The following GDF1 variants were observed in gnomAD, a reference collection of about 807,000 sequenced individuals.
GDF1 encodes embryonic growth/differentiation factor 1.
In GDF1, 8 loss-of-function variants were observed where a neutral mutation model predicts 7.4. The observed-to-expected ratio is 1.09, with a 90% confidence interval of 0.64 to 1.96. GDF1 has a LOEUF of 1.96. GDF1 is among the 30% of genes most tolerant of loss of function. The pLI is 0.00. For synonymous variants in GDF1, 311 were observed against 276.7 expected, an observed-to-expected ratio of 1.12 and a Z score of -1.23; for missense variants, 574 against 551.5, an observed-to-expected ratio of 1.04 and a Z score of -0.41.
Position 18,869,301 on chromosome 19 carries a change from C to T in GDF1, c.415G>A (p.Ala139Thr). Residue 139 changes from alanine (A) to threonine (T), a missense_variant, in exon 8 of 8, where the codon GCT becomes ACT. By Grantham distance (58) the Ala-to-Thr change is moderately conservative. Transcript: ENST00000247005. ...VVFDLSAVEP[A>T]ERPSRARLEL... ...AGGCGGGCCCGGCTCGGGCGCTCAG[C>T]GGGTTCCACAGCCGACAGGTCGAAG... The T allele has an allele frequency of 1.3e-6, 2 of 1,515,766 alleles. 1 individual carries two copies. The highest frequency in any genetic ancestry group is 2.4e-5 in the South Asian group (2 of 83,012). The allele number at this position is 1,515,766 out of a possible 1,614,324, so 93.9% of individuals were successfully genotyped here.
Position 18,870,357 on chromosome 19 carries a change from G to A in GDF1, c.-50C>T, listed in dbSNP as rs2055946244. ...AGTGCGCAGGGTCCGCGGCGGCCCG[G>A]GACCAGTGGGCTGAGGGCGGGGCCG... On this transcript the variant is annotated 5_prime_UTR_variant, in exon 7 of 8. Coordinates refer to ENST00000247005, the MANE Select transcript of GDF1 (RefSeq NM_001492.6). The surrounding 1 kb of genome is among the most constrained non-coding windows in gnomAD (Gnocchi z 5.1). 10 of 1,540,142 alleles carry A rather than the reference G, an allele frequency of 6.5e-6. No homozygotes were observed. Among genetic ancestry groups the A allele is most frequent in the Non-Finnish European group, 7.9e-6 (9 of 1,144,870 alleles).
At chr19:18,888,389 G>A (rs962421662) in intron 2 of GDF1, among the ~76,000 whole-genome samples, 10 of 149,834 alleles carry the variant, frequency 6.7e-5, no homozygotes, top group Admixed American at 4.7e-4. Flanking sequence ...GTGGTGGCTC[G>A]TGCCTGTAAT....
rs925482243 is a variant in GDF1, at chr19:18,880,284, C to T, written c.-581G>A. 5 of 1,550,350 alleles carry T rather than the reference C, an allele frequency of 3.2e-6. No individual in the cohort carries two copies. The highest frequency in any genetic ancestry group is 4.4e-6 in the Non-Finnish European group (5 of 1,147,050). On this transcript the variant is annotated 5_prime_UTR_variant, in exon 4 of 8. Coordinates refer to ENST00000247005, the MANE Select transcript of GDF1 (RefSeq NM_001492.6). The stretch of plus-strand genomic sequence containing the variant: ...CTCCCTACCACTCACCAGCTGAAGC[C>T]GAAGCTGAGGCAGCCCAAGTCTGCT...
chr19:18,870,196 C>A lies in GDF1; in HGVS notation c.112G>T (p.Ala38Ser), dbSNP rs1278423148. Residue 38 changes from alanine (A) to serine (S), a missense_variant, in exon 7 of 8, where the codon GCC (alanine) becomes TCC (serine). Ala to Ser is a moderately conservative substitution (Grantham distance 99, BLOSUM62 1). Coordinates refer to ENST00000247005, the MANE Select transcript of GDF1 (RefSeq NM_001492.6). This position sits in a 1 kb window ranked among gnomAD's most constrained non-coding sequence, Gnocchi z 5.1. ...RAPVPPGPAA[A>S]LLQALGLRDE... The stretch of plus-strand genomic sequence containing the variant: ...CGCAGTCCTAGAGCCTGGAGCAGGG[C>A]GGCGGCTGGGCCTGGGGGCACGGGG... 3.2e-6 allele frequency: 5 copies of A among 1,560,068 alleles called. No individual in the cohort carries two copies. Among genetic ancestry groups the A allele is most frequent in the Non-Finnish European group, 4.3e-6 (5 of 1,159,928 alleles).
At position 18,878,764 on chromosome 19, in the gene GDF1, C is replaced by G. The variant is rs2056114295; in HGVS notation, c.-313+166G>C. The G allele has an allele frequency of 6.9e-7, 1 of 1,442,820 alleles. No individual in the cohort carries two copies. Among genetic ancestry groups the G allele is most frequent in the East Asian group, 2.6e-5 (1 of 39,144 alleles). The allele number at this position is 1,442,820 out of a possible 1,614,324, so 89.4% of individuals were successfully genotyped here. A position where few individuals can be genotyped will look rare whatever the true frequency, so the allele number is the denominator to read the frequency against. ...ACTGTCCTGTCCTTCAGGGTACTGG[C>G]CACATCGTCCACGCCTTTATTGCAG... On this transcript the variant is annotated intron_variant, in intron 6 of 7. Coordinates refer to ENST00000247005, the MANE Select transcript of GDF1 (RefSeq NM_001492.6). The surrounding 1 kb of genome is among the most constrained non-coding windows in gnomAD (Gnocchi z 4.6).
intron 2 of GDF1, among the ~76,000 whole-genome samples, chr19:18,893,061 C>T (rs1285803424): frequency 1.3e-5 from 2 of 151,888 alleles, no homozygotes; most frequent in African/African-American, 2.4e-5. Context: ...GGATTACAGG[C>T]GCCCACCACA....
chr19:18,877,756 C>CAAA (rs386388683), intron 6 of GDF1, among the ~76,000 whole-genome samples: 1,730 of 103,752 alleles, frequency 0.017, 82 homozygotes, highest in African/African-American at 0.046. Context: ...GACCCTGTCT[C>CAAA]AAAAAAAAAA....
chr19:18,888,287 A>T (rs2056408057), intron 2 of GDF1, among the ~76,000 whole-genome samples: 2 of 152,140 alleles, frequency 1.3e-5, no homozygotes, highest in Middle Eastern at 6.8e-3. Context: ...TGAACCTGGG[A>T]GGCAGAGGTT....
chr19:18,879,340 G>T lies in GDF1; in HGVS notation c.-522C>A. 1 of 1,602,554 alleles carries T rather than the reference G, an allele frequency of 6.2e-7. No homozygotes were observed. The highest frequency in any genetic ancestry group is 8.5e-7 in the Non-Finnish European group (1 of 1,174,802). On this transcript the variant is annotated 5_prime_UTR_variant, in exon 5 of 8. Coordinates refer to ENST00000247005, the MANE Select transcript of GDF1 (RefSeq NM_001492.6). Reference sequence around the variant, plus strand: ...GCACCGTGCGCAGACTGCAGTGACTGGTGGCATACAGGACCTTGAGCGGGA... The same window carrying T: ...GCACCGTGCGCAGACTGCAGTGACTTGTGGCATACAGGACCTTGAGCGGGA...
At position 18,869,306 on chromosome 19, in the gene GDF1, TCCACAGC is replaced by T; in HGVS notation, c.403_409del (p.Ala135AsnfsTer29). On this transcript the variant is annotated frameshift_variant, in exon 8 of 8. Coordinates refer to ENST00000247005, the MANE Select transcript of GDF1 (RefSeq NM_001492.6). LOFTEE classifies it low-confidence loss of function (END_TRUNC). ...GGCCCGGCTCGGGCGCTCAGCGGGT[TCCACAGC>T]CGACAGGTCGAAGACGACTGTCCAC... 6.6e-7 allele frequency: 1 copy of T among 1,518,964 alleles called. No homozygotes were observed. The highest frequency in any genetic ancestry group is 8.8e-7 in the Non-Finnish European group (1 of 1,140,770). 94.1% of individuals were successfully genotyped at this position (1,518,964 alleles called of 1,614,324 possible).
At chr19:18,877,475 C>T (rs1386115928) in intron 6 of GDF1, among the ~76,000 whole-genome samples, 1 of 152,224 alleles carries the variant, frequency 6.6e-6, no homozygotes, top group Admixed American at 6.5e-5. Context: ...CTCAGGCCGG[C>T]TGCAGTGGCT....
chr19:18,879,747 A>C (rs1280878040), intron 4 of GDF1, among the ~76,000 whole-genome samples: 79 of 10,040 alleles, frequency 7.9e-3, no homozygotes, highest in Admixed American at 0.016. Flanking sequence ...GGCCCCACCC[A>C]CCTCACCAAG....
chr19:18,884,682 C>T (rs2056306088), intron 2 of GDF1, among the ~76,000 whole-genome samples: 1 of 145,056 alleles, frequency 6.9e-6, no homozygotes, highest in Non-Finnish European at 1.5e-5. Flanking sequence ...TCTGGGATTA[C>T]AGGCGTGAGC....
intron 6 of GDF1, among the ~76,000 whole-genome samples, chr19:18,871,227 T>G (rs2145991848): frequency 7.9e-6 from 1 of 127,274 alleles, no homozygotes; most frequent in East Asian, 2.4e-4. Flanking sequence ...CCAGCAATTT[T>G]TTTTTTTTTT....
chr19:18,870,262 G>T lies in GDF1; in HGVS notation c.46C>A (p.Leu16Ile). The change falls in exon 7 of 8, where the codon CTC (leucine) becomes ATC (isoleucine). Residue 16 changes from leucine to isoleucine, a missense_variant. Physicochemically the swap from Leu to Ile is conservative, Grantham distance 5. Coordinates refer to ENST00000247005, the MANE Select transcript of GDF1 (RefSeq NM_001492.6). The surrounding 1 kb of genome is among the most constrained non-coding windows in gnomAD (Gnocchi z 5.1). The stretch of plus-strand genomic sequence containing the variant: ...AGCGAGGGCAGCAGCAGGGCCAGGA[G>T]GAGGAGGAGGTGGTGGCCGCAGGGA... ...QGPCGHHLLLLLALLLPSLPL... is the reference protein window; with the variant it reads ...QGPCGHHLLLILALLLPSLPL... 6.4e-7 allele frequency: 1 copy of T among 1,550,876 alleles called. No homozygotes were observed.
intron 1 of GDF1, 73 bp from the exon 2 acceptor site, chr19:18,893,648 T>G: frequency 2.0e-6 from 3 of 1,468,430 alleles, no homozygotes; most frequent in Non-Finnish European, 2.8e-6. Context: ...GTGGGGAAAC[T>G]GAGGCCCAGG....
chr19:18,869,986 G>C lies in GDF1; in HGVS notation c.322C>G (p.Arg108Gly), dbSNP rs764931939. The C allele has an allele frequency of 7.6e-6, 12 of 1,588,808 alleles. No homozygotes were observed. The African/African-American group carries it at 1.6e-4, about 21-fold the overall frequency. ...AGNIVRHIPD[R>G]GAPTRASEPA... Reference sequence around the variant, plus strand: ...CCCCAGCGAAAGCCCCACTCACCGCGGTCCGGGATGTGGCGCACGATGTTT... The same window carrying C: ...CCCCAGCGAAAGCCCCACTCACCGCCGTCCGGGATGTGGCGCACGATGTTT... The change falls in exon 7 of 8, where the codon CGC (arginine) becomes GGC (glycine). Residue 108 changes from arginine to glycine, a missense_variant. Arg to Gly is a moderately radical substitution (Grantham distance 125). Coordinates refer to ENST00000247005, the MANE Select transcript of GDF1 (RefSeq NM_001492.6).
In GDF1 at chr19:18,870,642, G is replaced by C. The variant is rs899608220; in HGVS notation, c.-312-23C>G. On this transcript the variant is annotated intron_variant, in intron 6 of 7. Coordinates refer to ENST00000247005, the MANE Select transcript of GDF1 (RefSeq NM_001492.6). This position sits in a 1 kb window ranked among gnomAD's most constrained non-coding sequence, Gnocchi z 5.1. ...TTCCTGGGGGTCAGAACCGGCGCAG[G>C]TTAGCCTGGGAGCCCCACGCGGCCG... The C allele has an allele frequency of 3.7e-6, 2 of 542,596 alleles. No homozygotes were observed. Among genetic ancestry groups the C allele is most frequent in the Non-Finnish European group, 6.7e-6 (2 of 300,038 alleles). The allele number at this position is 542,596 out of a possible 1,614,324, so 33.6% of individuals were successfully genotyped here.
Position 18,870,267 on chromosome 19 carries a change from A to AG in GDF1, c.40dup (p.Leu14ProfsTer35), listed in dbSNP as rs1428829571. ...GGGCAGCAGCAGGGCCAGGAGGAGG[A>AG]GGAGGTGGTGGCCGCAGGGACCTTG... On this transcript the variant is annotated frameshift_variant, in exon 7 of 8. Transcript: ENST00000247005. LOFTEE classifies it high-confidence loss of function. The surrounding 1 kb of genome is among the most constrained non-coding windows in gnomAD (Gnocchi z 5.1). 20 of 1,548,828 alleles carry AG rather than the reference A, an allele frequency of 1.3e-5. No homozygotes were observed. Among genetic ancestry groups the AG allele is most frequent in the African/African-American group, 4.1e-5 (3 of 72,338 alleles).
Sources: gnomAD v4.1 joint callset for allele counts (sites outside exome capture counted in the v4.1 genomes callset) on GRCh38, gnomAD v4.1.1 for gene constraint, Gnocchi (gnomAD v3.1) non-coding constraint, MANE v1.5 for transcripts, NCBI Gene and HGNC (gene_info 2026-07-23, HGNC 2026-07-21) for gene names.